Variants in CDH3 observed in about 807,000 individuals in gnomAD.
The protein encoded by CDH3 is cadherin 3.
Under a neutral mutation model 82.0 loss-of-function variants are expected in CDH3, and 54 were observed. That is an observed-to-expected ratio of 0.66 (90% CI 0.53 to 0.83). CDH3 has a LOEUF of 0.83. Ranked by LOEUF, CDH3 falls within the 40% of genes least tolerant of loss-of-function variation. The pLI, the probability that CDH3 is intolerant of heterozygous loss-of-function variation, is 0.00. For missense variants in CDH3, 1,054 were observed against 1,084.6 expected, an observed-to-expected ratio of 0.97 and a Z score of 0.40; for synonymous variants, 446 against 437.9, an observed-to-expected ratio of 1.02 and a Z score of -0.23.
chr16:68,684,727 C>A lies in CDH3; in HGVS notation c.1327C>A (p.Pro443Thr). ...GAATGAGGCACCTGTGTTTGTCCCA[C>A]CCTCCAAAGTCGTTGAGGTCCAGGA... ...DVNEAPVFVPPSKVVEVQEGI... is the reference protein window; with the variant it reads ...DVNEAPVFVPTSKVVEVQEGI... Residue 443 changes from proline to threonine, a missense_variant, in exon 10 of 16, where the codon CCC becomes ACC. By Grantham distance (38) the Pro-to-Thr change is conservative (BLOSUM62 -1). Transcript: ENST00000264012. 1 of 1,614,188 alleles carries A rather than the reference C, an allele frequency of 6.2e-7. No homozygotes were observed. Among genetic ancestry groups the A allele is most frequent in the Non-Finnish European group, 8.5e-7 (1 of 1,180,042 alleles).
intron 1 of CDH3, among the ~76,000 whole-genome samples, chr16:68,718,749 A>G (rs746204885): frequency 5.3e-5 from 8 of 152,186 alleles, no homozygotes; most frequent in East Asian, 1.9e-4. Context: ...TATGCTAACC[A>G]TATGATTTAG....
chr16:68,646,250 G>T, intron 2 of CDH3: 1 of 172,504 alleles, frequency 5.8e-6, no homozygotes, highest in Non-Finnish European at 1.2e-5. Context: ...TTCCTCGGCA[G>T]CTGGAATGCA....
At position 68,676,413 on chromosome 16, in the gene CDH3, A is replaced by T; in HGVS notation, c.189A>T (p.Pro63=). The T allele has an allele frequency of 6.2e-7, 1 of 1,614,084 alleles. No individual in the cohort carries two copies. Among genetic ancestry groups the T allele is most frequent in the Non-Finnish European group, 8.5e-7 (1 of 1,179,922 alleles). Residue 63 remains proline, a synonymous_variant, in exon 3 of 16, where the codon CCA becomes CCT. Transcript: ENST00000264012. Reference sequence around the variant, plus strand: ...TCATGGGCTGCCCTGGGCAAGAGCCAGCTCTGTTTAGCACTGATAATGATG... The same window carrying T: ...TCATGGGCTGCCCTGGGCAAGAGCCTGCTCTGTTTAGCACTGATAATGATG... ...KVFMGCPGQE[P]ALFSTDNDDF... is the part of the protein sequence containing the mutation.
rs1960031759 is a variant in CDH3 at position 68,645,617 on chromosome 16, T to C, written c.46-19T>C. ...CACGCCTGGACCCAGCCTCCTTCAC[T>C]CTCTGCCCTCGGGCGCAGGTTTGCT... On this transcript the variant is annotated intron_variant, in intron 1 of 15. Transcript: ENST00000264012. 2.0e-6 allele frequency: 3 copies of C among 1,537,188 alleles called. No individual in the cohort carries two copies. The highest frequency in any genetic ancestry group is 2.4e-5 in the South Asian group (2 of 83,910).
chr16:68,660,421 A>G (rs1417222722), intron 2 of CDH3, among the ~76,000 whole-genome samples: 2 of 152,236 alleles, frequency 1.3e-5, no homozygotes, highest in South Asian at 2.1e-4. Flanking sequence ...GTGTTGAGAG[A>G]TTGAGAATGT....
intron 2 of CDH3, among the ~76,000 whole-genome samples, chr16:68,669,898 C>G (rs112815842): frequency 5.9e-5 from 9 of 152,116 alleles, no homozygotes; most frequent in African/African-American, 2.2e-4. Flanking sequence ...GTGGGAGGGT[C>G]ACTTGTGCCC....
downstream of CDH3, among the ~76,000 whole-genome samples, chr16:68,701,351 C>CT (rs1410441069): frequency 3.9e-5 from 6 of 152,114 alleles, no homozygotes; most frequent in African/African-American, 1.4e-4. Flanking sequence ...GCTTAGGACT[C>CT]TGATCCTTAG....
rs755302622 is a variant in CDH3, at chr16:68,695,724, G to C, written c.2134-53G>C. 2.2e-4 allele frequency: 345 copies of C among 1,600,982 alleles called. 2 individuals carry two copies. Among genetic ancestry groups the C allele is most frequent in the East Asian group, 1.1e-4 (5 of 44,818 alleles). On this transcript the variant is annotated intron_variant, in intron 14 of 15. Coordinates refer to ENST00000264012, the MANE Select transcript of CDH3 (RefSeq NM_001793.6). ...GTGTGGGGTGAGATGTAAGTGGCAG[G>C]GGAGTGGGGGACAGGAGTCCTCAGT...
chr16:68,728,815 C>A (rs191722470), downstream of CDH3, among the ~76,000 whole-genome samples: 5 of 152,234 alleles, frequency 3.3e-5, no homozygotes, highest in Admixed American at 2.6e-4. Context: ...AGCTTAGCAT[C>A]CTGAAAGTGA....
rs752788431 is a variant in CDH3 at position 68,682,384 on chromosome 16, C to T, written c.1079C>T (p.Pro360Leu). 6.2e-7 allele frequency: 1 copy of T among 1,614,056 alleles called. No homozygotes were observed. Among genetic ancestry groups the T allele is most frequent in the Non-Finnish European group, 8.5e-7 (1 of 1,180,026 alleles). ...ACTGATCTGGACGCCCCCAACTCAC[C>T]AGCGTGGCGTGCCACCTACCTTATC... ...TVTDLDAPNS[P>L]AWRATYLIMG... The change falls in exon 9 of 16, where the codon CCA (proline) becomes CTA (leucine). Residue 360 changes from proline to leucine, a missense_variant. Coordinates refer to ENST00000264012, the MANE Select transcript of CDH3 (RefSeq NM_001793.6).
At chr16:68,686,485 A>G (rs1160238083) in intron 11 of CDH3, 25 of 1,212,962 alleles carry the variant, frequency 2.1e-5, no homozygotes, top group Admixed American at 3.4e-5. Context: ...GGTCCAGAAA[A>G]ATCTCAAGGA....
Position 68,684,641 on chromosome 16 carries a change from C to T in CDH3, c.1241C>T (p.Ala414Val). 1 of 1,614,206 alleles carries T rather than the reference C, an allele frequency of 6.2e-7. No homozygotes were observed. The highest frequency in any genetic ancestry group is 1.7e-5 in the Admixed American group (1 of 60,032). ...HTLYVEVTNE[A>V]PFVLKLPTST... Reference sequence around the variant, plus strand: ...CTGTACGTTGAAGTGACCAACGAGGCCCCTTTTGTGCTGAAGCTCCCAACC... The same window carrying T: ...CTGTACGTTGAAGTGACCAACGAGGTCCCTTTTGTGCTGAAGCTCCCAACC... The change falls in exon 10 of 16, where the codon GCC becomes GTC. Residue 414 changes from alanine (A) to valine (V), a missense_variant. Transcript: ENST00000264012.
At chr16:68,693,899 C>T (rs1961638933) in intron 13 of CDH3, among the ~76,000 whole-genome samples, 1 of 152,090 alleles carries the variant, frequency 6.6e-6, no homozygotes, top group African/African-American at 2.4e-5. Flanking sequence ...GGCCAGTTCC[C>T]CCCATGTCCA....
chr16:68,679,077 A>G (rs1383564427), intron 6 of CDH3, among the ~76,000 whole-genome samples, 171 bp downstream of exon 6: 3 of 152,210 alleles, frequency 2.0e-5, no homozygotes, highest in Non-Finnish European at 2.9e-5. Flanking sequence ...ATGATCCTAG[A>G]GCAGAGCTCT....
Position 68,695,281 on chromosome 16 carries a change from G to T in CDH3, c.2029G>T (p.Val677Leu), listed in dbSNP as rs777497728. ...LFLLLVLLLL[V>L]RKKRKIKEPL... ...CCTCCTGCTGGTGCTGCTTTTGTTG[G>T]TGAGAAAGAAGCGGAAGATCAAGGA... is the stretch of plus-strand genomic sequence containing the variant. Residue 677 changes from valine to leucine, a missense_variant, in exon 14 of 16, where the codon GTG (valine) becomes TTG (leucine). Val to Leu is a conservative substitution (Grantham distance 32). Coordinates refer to ENST00000264012, the MANE Select transcript of CDH3 (RefSeq NM_001793.6). 6.2e-7 allele frequency: 1 copy of T among 1,614,148 alleles called. No individual in the cohort carries two copies. Among genetic ancestry groups the T allele is most frequent in the Non-Finnish European group, 8.5e-7 (1 of 1,180,032 alleles).
At chr16:68,694,455 C>G (rs532535386) in intron 13 of CDH3, among the ~76,000 whole-genome samples, 1 of 151,704 alleles carries the variant, frequency 6.6e-6, no homozygotes, top group Non-Finnish European at 1.5e-5. Flanking sequence ...AACCCTGTCT[C>G]TACTGAAAAT....
At chr16:68,688,484 A>C (rs2152104182) in intron 12 of CDH3, among the ~76,000 whole-genome samples, 1 of 152,276 alleles carries the variant, frequency 6.6e-6, no homozygotes, top group African/African-American at 2.4e-5. Flanking sequence ...GTTACTCAGG[A>C]GGCTGAGACA....
intron 1 of CDH3, among the ~76,000 whole-genome samples, chr16:68,721,431 A>G (rs1962163540): frequency 6.6e-6 from 1 of 151,640 alleles, no homozygotes; most frequent in Non-Finnish European, 1.5e-5. Context: ...ACGGGGTTTC[A>G]CCATATTGGC....
chr16:68,675,449 T>C (rs776897046), intron 2 of CDH3, among the ~76,000 whole-genome samples: 19 of 152,128 alleles, frequency 1.2e-4, no homozygotes, highest in Non-Finnish European at 2.4e-4. Context: ...GAATATTCTC[T>C]AGTGTGTGTC....
Sources: gnomAD v4.1 joint callset for allele counts (sites outside exome capture counted in the v4.1 genomes callset) on GRCh38, gnomAD v4.1.1 for gene constraint, MANE v1.5 for transcripts, NCBI Gene and HGNC (gene_info 2026-07-23, HGNC 2026-07-21) for gene names.